OXSR1: variants seen among roughly 807,000 people sequenced by gnomAD.
OXSR1 encodes the protein serine/threonine-protein kinase OSR1.
A neutral mutation model predicts 79.8 loss-of-function variants in OXSR1; 24 were observed. The observed-to-expected ratio is 0.30, with a 90% CI of 0.22 to 0.42. The LOEUF (loss-of-function observed/expected upper bound fraction) is 0.42, where lower values mean the gene tolerates loss of function less well. Ranked by LOEUF, OXSR1 falls within the 10% of genes least tolerant of loss-of-function variation. OXSR1 has a pLI of 1.00. For missense variants in OXSR1, 430 were observed against 618.4 expected (o/e 0.70, Z 3.23); for synonymous variants, 226 against 209.2 (o/e 1.08, Z -0.69).
intron 4 of OXSR1, among the ~76,000 whole-genome samples, chr3:38,205,951 A>G (rs1702256879): frequency 6.6e-6 from 1 of 152,212 alleles, no homozygotes; most frequent in Admixed American, 6.5e-5. Context: ...AGATTTATCT[A>G]TTTCTTCACT....
chr3:38,193,593 G>A (rs1037557436), intron 3 of OXSR1, among the ~76,000 whole-genome samples: 1 of 149,102 alleles, frequency 6.7e-6, no homozygotes, highest in Non-Finnish European at 1.5e-5. Context: ...TATGCTTTCT[G>A]CTACTCCTAA....
intron 4 of OXSR1, among the ~76,000 whole-genome samples, chr3:38,208,248 G>C (rs1008839748): frequency 6.6e-6 from 1 of 151,914 alleles, no homozygotes; most frequent in Non-Finnish European, 1.5e-5. Flanking sequence ...CCAGGTATAG[G>C]AACAATTGAT....
chr3:38,165,743 C>G lies in OXSR1; in HGVS notation c.-134C>G, dbSNP rs917486372. The G allele has an allele frequency of 2.0e-5, 16 of 783,374 alleles. No homozygotes were observed. In the East Asian group the frequency reaches 3.7e-4, roughly 18 times the overall value. The allele number at this position is 783,374 out of a possible 1,614,324, so 48.5% of individuals were successfully genotyped here. A position where few individuals can be genotyped will look rare whatever the true frequency, so the allele number is the denominator to read the frequency against. On this transcript the variant is annotated 5_prime_UTR_variant, in exon 1 of 18. Coordinates refer to ENST00000311806, the MANE Select transcript of OXSR1 (RefSeq NM_005109.3). ...GACCCCGCGCCCCGGCGCCGTCCGA[C>G]CCGTGGCTGTTCCGAGACGATTGGT...
chr3:38,202,565 G>C (rs1702183968), intron 4 of OXSR1, among the ~76,000 whole-genome samples: 2 of 152,072 alleles, frequency 1.3e-5, no homozygotes, highest in Admixed American at 1.3e-4. Context: ...GATTACCTAG[G>C]TGCCGAGGCA....
chr3:38,211,256 G>T (rs994748914), intron 4 of OXSR1, among the ~76,000 whole-genome samples: 1 of 151,956 alleles, frequency 6.6e-6, no homozygotes, highest in Non-Finnish European at 1.5e-5. Context: ...CCTTTGAGCG[G>T]GACTCTAAGT....
intron 3 of OXSR1, 98 bp downstream of exon 3, chr3:38,190,937 G>C: frequency 1.4e-6 from 1 of 704,806 alleles, no homozygotes; most frequent in Non-Finnish European, 2.5e-6. Flanking sequence ...ATGGACATTT[G>C]CATTTGAGGA....
At chr3:38,202,996 G>C (rs1046583293) in intron 4 of OXSR1, among the ~76,000 whole-genome samples, 3 of 152,184 alleles carry the variant, frequency 2.0e-5, no homozygotes, top group Non-Finnish European at 2.9e-5. Flanking sequence ...ATCCAGGCCT[G>C]CCTGCAGTCA....
chr3:38,245,566 CA>C (rs1288230399), intron 12 of OXSR1, among the ~76,000 whole-genome samples: 1 of 151,802 alleles, frequency 6.6e-6, no homozygotes, highest in African/African-American at 2.4e-5. Context: ...TTTTGCTGGG[CA>C]AAGGAATGGA....
chr3:38,223,600 G>T (rs1270331380), intron 6 of OXSR1, among the ~76,000 whole-genome samples: 1 of 151,402 alleles, frequency 6.6e-6, no homozygotes, highest in Non-Finnish European at 1.5e-5. Flanking sequence ...GCGCCACCGT[G>T]CCCGGCTAAT....
At chr3:38,251,914 C>T (rs930697504) in intron 16 of OXSR1, among the ~76,000 whole-genome samples, 2 of 152,154 alleles carry the variant, frequency 1.3e-5, no homozygotes, top group Non-Finnish European at 2.9e-5. Context: ...CACAGTTTTC[C>T]GTGAAAAACC....
intron 5 of OXSR1, among the ~76,000 whole-genome samples, chr3:38,218,698 T>G (rs1702532335): frequency 6.6e-6 from 1 of 152,192 alleles, no homozygotes; most frequent in Non-Finnish European, 1.5e-5. Flanking sequence ...ACTTTTTCTT[T>G]TGTTGCCTGA....
intron 4 of OXSR1, among the ~76,000 whole-genome samples, chr3:38,209,002 G>A (rs956189294): frequency 2.0e-5 from 3 of 152,260 alleles, no homozygotes; most frequent in Non-Finnish European, 4.4e-5. Flanking sequence ...GCGCGTGCGC[G>A]CATGTGCATG....
At chr3:38,168,403 A>G (rs1414637534) in intron 1 of OXSR1, among the ~76,000 whole-genome samples, 3 of 152,140 alleles carry the variant, frequency 2.0e-5, no homozygotes, top group African/African-American at 4.8e-5. Flanking sequence ...TTTTGTCTCT[A>G]TGGACTTGCC....
chr3:38,239,434 C>G (rs572093222), intron 11 of OXSR1, among the ~76,000 whole-genome samples: 3 of 152,202 alleles, frequency 2.0e-5, no homozygotes, highest in Admixed American at 6.5e-5. Flanking sequence ...TTAGATCTTG[C>G]TTTTATGATT....
chr3:38,229,803 G>A, intron 9 of OXSR1, 68 bp downstream of exon 9: 3 of 1,168,022 alleles, frequency 2.6e-6, no homozygotes, highest in Non-Finnish European at 3.8e-6. Flanking sequence ...ATTATGTTCA[G>A]TGCTTAGAAG....
intron 1 of OXSR1, among the ~76,000 whole-genome samples, chr3:38,169,386 A>C (rs143617620): frequency 0.023 from 3,431 of 151,820 alleles, 131 homozygotes; most frequent in African/African-American, 0.077. Context: ...GCTCACTGCA[A>C]CCTCTGTCTC....
At chr3:38,213,543 C>A (rs1702427640) in intron 4 of OXSR1, among the ~76,000 whole-genome samples, 1 of 152,148 alleles carries the variant, frequency 6.6e-6, no homozygotes, top group Non-Finnish European at 1.5e-5. Flanking sequence ...GTAAAGAAAT[C>A]TGAATAAACT....
rs2125858404 is a variant in OXSR1, at chr3:38,254,248, C to T, written c.*1357C>T. ...AGAATCACTCGAGCCCTTTCCAGCA[C>T]TGTTGGTCTGATGAACAAGGTTGTT... On this transcript the variant is annotated 3_prime_UTR_variant, in exon 18 of 18. Transcript: ENST00000311806. The T allele has an allele frequency of 7.5e-6, 3 of 398,894 alleles. No individual in the cohort carries two copies. The highest frequency in any genetic ancestry group is 7.1e-5 in the East Asian group (2 of 28,076). The allele number at this position is 398,894 out of a possible 1,614,324, so 24.7% of individuals were successfully genotyped here.
In OXSR1 at chr3:38,252,904, G is replaced by A; in HGVS notation, c.*13G>A. The stretch of plus-strand genomic sequence containing the variant: ...CAGCATCAGCTAAACCACAACCCTG[G>A]AAGAGGCGGCCTAAGGAGATTCCAC... On this transcript the variant is annotated 3_prime_UTR_variant, in exon 18 of 18. Transcript: ENST00000311806. 6.2e-7 allele frequency: 1 copy of A among 1,610,340 alleles called. No individual in the cohort carries two copies. Among genetic ancestry groups the A allele is most frequent in the East Asian group, 2.2e-5 (1 of 44,854 alleles).
Sources: allele counts gnomAD v4.1 joint callset (sites outside exome capture counted in the v4.1 genomes callset), GRCh38; gene constraint gnomAD v4.1.1; transcripts MANE v1.5; gene names NCBI Gene and HGNC (gene_info 2026-07-23, HGNC 2026-07-21).